UPF3A: variants seen among roughly 807,000 people sequenced by gnomAD.
UPF3A encodes the protein regulator of nonsense transcripts 3A.
Under a neutral mutation model 53.5 loss-of-function variants are expected in UPF3A, and 42 were observed. The observed-to-expected ratio is 0.78, with a 90% CI of 0.61 to 1.01. UPF3A has a LOEUF of 1.01. Among genes scored for constraint, UPF3A ranks in the 50% least tolerant of loss-of-function variants. The pLI, the probability that UPF3A is intolerant of heterozygous loss-of-function variation, is 0.00. For missense variants in UPF3A, 575 were observed against 598.0 expected (o/e 0.96, Z 0.40); for synonymous variants, 237 against 225.3 (o/e 1.05, Z -0.47).
At chr13:114,292,571 G>A (rs1435245280) in intron 7 of UPF3A, among the ~76,000 whole-genome samples, 2 of 149,454 alleles carry the variant, frequency 1.3e-5, no homozygotes, top group African/African-American at 4.9e-5. Flanking sequence ...TCGGCTCAAG[G>A]CGTACACGTG....
chr13:114,300,334 AAAG>A (rs1294551455), intron 8 of UPF3A, among the ~76,000 whole-genome samples: 1 of 152,254 alleles, frequency 6.6e-6, no homozygotes, highest in African/African-American at 2.4e-5. Context: ...TATCTGTAGA[AAAG>A]AAGGTTTATT....
chr13:114,291,653 GAGA>G lies in UPF3A; in HGVS notation c.712_714del (p.Glu238del). 9.3e-6 allele frequency: 15 copies of G among 1,604,804 alleles called. No individual in the cohort carries two copies. Among genetic ancestry groups the G allele is most frequent in the Non-Finnish European group, 1.3e-5 (15 of 1,177,796 alleles). On this transcript the variant is annotated inframe_deletion, in exon 7 of 10. Coordinates refer to ENST00000375299, the MANE Select transcript of UPF3A (RefSeq NM_023011.4). ...CTTTAGAGAATTCGAGAAGAGAAGC[GAGA>G]AGAACGGAGGAGGAGAGAGTTAGAA...
chr13:114,293,459 A>C (rs968172288), intron 7 of UPF3A, among the ~76,000 whole-genome samples: 1 of 152,140 alleles, frequency 6.6e-6, no homozygotes, highest in Non-Finnish European at 1.5e-5. Context: ...GTGAAGGCTG[A>C]CTCAGAACCG....
intron 3 of UPF3A, chr13:114,286,073 T>A: frequency 2.0e-6 from 1 of 500,544 alleles, no homozygotes; most frequent in East Asian, 3.2e-5. Flanking sequence ...CATCCTTGTT[T>A]AAGTCTGGAG....
chr13:114,282,209 T>C, intron 2 of UPF3A, 82 bp downstream of exon 2: 1 of 1,199,576 alleles, frequency 8.3e-7, no homozygotes, highest in Non-Finnish European at 1.2e-6. Flanking sequence ...TTACGTTCCT[T>C]ACCCTGATTT....
chr13:114,288,104 C>T (rs536606163), intron 5 of UPF3A, among the ~76,000 whole-genome samples: 3 of 152,330 alleles, frequency 2.0e-5, no homozygotes, highest in Non-Finnish European at 2.9e-5. Flanking sequence ...CACACCTAGC[C>T]GTAATAAGGC....
rs768008854 is a variant in UPF3A at position 114,286,429 on chromosome 13, A to T, written c.520+29A>T. The T allele has an allele frequency of 1.9e-6, 3 of 1,613,048 alleles. No homozygotes were observed. In the South Asian group the frequency reaches 3.3e-5, roughly 18 times the overall value. On this transcript the variant is annotated intron_variant, in intron 4 of 9. Coordinates refer to ENST00000375299, the MANE Select transcript of UPF3A (RefSeq NM_023011.4). ...AGCCCTTTCCAAGTGCTACGTTATG[A>T]AGCTGCCAAATTAAGAACACTGAGC...
chr13:114,296,353 G>A (rs2086019206), intron 7 of UPF3A, among the ~76,000 whole-genome samples: 1 of 152,126 alleles, frequency 6.6e-6, no homozygotes, highest in East Asian at 1.9e-4. Flanking sequence ...CTGCAGTCTA[G>A]CTTGGGTGAC....
rs752353604 is a variant in UPF3A, at chr13:114,281,769, ACGC to A, written c.135_137del (p.Pro46del). The A allele has an allele frequency of 2.0e-5, 31 of 1,555,952 alleles. No homozygotes were observed. Among genetic ancestry groups the A allele is most frequent in the South Asian group, 1.2e-5 (1 of 84,390 alleles). On this transcript the variant is annotated inframe_deletion, in exon 1 of 10. Transcript: ENST00000375299. ...CGACTCGCAGCAGCAGGAGGCTGAG[ACGC>A]CGCCAACTTCGTCCTCCGGTTGCGG...
intron 5 of UPF3A, among the ~76,000 whole-genome samples, chr13:114,289,316 G>C (rs913071493): frequency 6.6e-6 from 1 of 152,090 alleles, no homozygotes; most frequent in East Asian, 1.9e-4. Context: ...ATGAGGTCAA[G>C]AGATTGAGAC....
intron 5 of UPF3A, among the ~76,000 whole-genome samples, chr13:114,290,813 A>C (rs188268903): frequency 5.0e-4 from 74 of 148,000 alleles, no homozygotes; most frequent in Non-Finnish European, 1.0e-3. Flanking sequence ...GGCTCACTGC[A>C]ACCTCCTCCT....
Position 114,298,501 on chromosome 13 carries a change from C to T in UPF3A, c.847-339C>T, listed in dbSNP as rs117455515. Among the ~76,000 whole-genome samples, 44 of 152,220 alleles carry T rather than the reference C, an allele frequency of 2.9e-4. No homozygotes were observed. In the East Asian group the frequency reaches 7.6e-3, roughly 26 times the overall value. On this transcript the variant is annotated intron_variant, in intron 7 of 9. Transcript: ENST00000375299. Reference sequence around the variant, plus strand: ...GCTGCAGTGAGCCGGGAGTGCGCCACGGCACTTCAGCCTGGGCGACAGAGC... The same window carrying T: ...GCTGCAGTGAGCCGGGAGTGCGCCATGGCACTTCAGCCTGGGCGACAGAGC...
intron 8 of UPF3A, 52 bp from the exon 9 acceptor site, chr13:114,301,679 G>T (rs761336855): frequency 3.8e-6 from 6 of 1,562,862 alleles, no homozygotes; most frequent in African/African-American, 1.4e-5. Flanking sequence ...AGGAGGGTGG[G>T]CAGCCAACCG....
chr13:114,303,566 A>G (rs1384554261), intron 9 of UPF3A, among the ~76,000 whole-genome samples: 2 of 152,086 alleles, frequency 1.3e-5, no homozygotes, highest in African/African-American at 2.4e-5. Context: ...CGGGTGGAAC[A>G]CCTGAGGTCA....
chr13:114,303,918 C>T (rs1335191342), intron 9 of UPF3A, among the ~76,000 whole-genome samples: 1 of 152,222 alleles, frequency 6.6e-6, no homozygotes, highest in African/African-American at 2.4e-5. Context: ...AGTTAAACCC[C>T]CTGGTGGTAA....
At chr13:114,300,833 C>T (rs563205817) in intron 8 of UPF3A, among the ~76,000 whole-genome samples, 21 of 152,134 alleles carry the variant, frequency 1.4e-4, no homozygotes, top group African/African-American at 4.3e-4. Context: ...GCCGCTGTGC[C>T]TGGCCTAATT....
intron 9 of UPF3A, among the ~76,000 whole-genome samples, chr13:114,303,541 T>C (rs1240420464): frequency 6.6e-6 from 1 of 152,156 alleles, no homozygotes; most frequent in African/African-American, 2.4e-5. Context: ...ATGCCAGCAC[T>C]TTGGGAGGCC....
At chr13:114,299,246 T>C (rs2086360319) in intron 8 of UPF3A, among the ~76,000 whole-genome samples, 1 of 152,220 alleles carries the variant, frequency 6.6e-6, no homozygotes, top group African/African-American at 2.4e-5. Context: ...TTTGCCTCCA[T>C]GTCCTCCTTT....
At chr13:114,298,373 CAAA>C (rs1010627920) in intron 7 of UPF3A, among the ~76,000 whole-genome samples, 1 of 114,296 alleles carries the variant, frequency 8.7e-6, no homozygotes, top group Non-Finnish European at 1.9e-5. Context: ...AACTCCATCT[CAAA>C]AAAAAAAAAA....
Sources: allele counts gnomAD v4.1 joint callset (sites outside exome capture counted in the v4.1 genomes callset), GRCh38; gene constraint gnomAD v4.1.1; transcripts MANE v1.5; gene names NCBI Gene and HGNC (gene_info 2026-07-23, HGNC 2026-07-21).